ASPRV1: variants seen among roughly 807,000 people sequenced by gnomAD.
ASPRV1 encodes the protein retroviral-like aspartic protease 1.
Under a neutral mutation model 11.0 loss-of-function variants are expected in ASPRV1, and 7 were observed. That is an observed-to-expected ratio of 0.64 (90% CI 0.36 to 1.20). ASPRV1 has a LOEUF of 1.20. ASPRV1 is among the 50% of genes most tolerant of loss of function. ASPRV1 has a pLI of 0.02. For missense variants in ASPRV1, 299 were observed against 320.0 expected (o/e 0.93, Z 0.50); for synonymous variants, 136 against 138.4 (o/e 0.98, Z 0.12).
the ASPRV1 span, among the ~76,000 whole-genome samples, chr2:70,000,309 C>T: frequency 7.1e-6 from 1 of 139,928 alleles, no homozygotes; most frequent in Admixed American, 7.2e-5. Context: ...ATAGTGAAAC[C>T]CTCATCTCCA....
At chr2:69,980,389 C>T in the ASPRV1 span, among the ~76,000 whole-genome samples, 4 of 152,308 alleles carry the variant, frequency 2.6e-5, no homozygotes, top group South Asian at 2.1e-4. Flanking sequence ...TTTAAGTTGG[C>T]AAAGTCTTTT....
At chr2:70,062,595 T>C in the ASPRV1 span, among the ~76,000 whole-genome samples, 1 of 152,160 alleles carries the variant, frequency 6.6e-6, no homozygotes, top group African/African-American at 2.4e-5. Flanking sequence ...TAGAGTACTA[T>C]GTAAAGCCAG....
In ASPRV1 at chr2:69,960,996, G is replaced by A. The variant is rs143824935; in HGVS notation, c.441C>T (p.Gly147=). 111 of 1,613,886 alleles carry A rather than the reference G, an allele frequency of 6.9e-5. No homozygotes were observed. The highest frequency in any genetic ancestry group is 9.9e-5 in the South Asian group (9 of 91,068). The part of the protein sequence containing the change: ...HPNLWEEVTD[G]DLDTLQPFEN... ...CAAAGGGCTGCAGGGTGTCCAGATC[G>A]CCATCAGTGACCTCCTCCCACAAGT... The change falls in exon 1 of 1, where the codon GGC becomes GGT. Residue 147 remains glycine (G), a synonymous_variant. Transcript: ENST00000320256.
chr2:70,001,642 T>C, the ASPRV1 span, among the ~76,000 whole-genome samples: 13 of 151,996 alleles, frequency 8.6e-5, no homozygotes, highest in Non-Finnish European at 1.5e-4. Flanking sequence ...TACCTGTAAC[T>C]CTGGCTACTC....
At chr2:70,059,261 T>C in the ASPRV1 span, among the ~76,000 whole-genome samples, 1 of 150,874 alleles carries the variant, frequency 6.6e-6, no homozygotes, top group Non-Finnish European at 1.5e-5. Context: ...GTTTTCTTTT[T>C]TTTTTTTTTT....
the ASPRV1 span, among the ~76,000 whole-genome samples, chr2:69,990,994 C>A: frequency 1.3e-5 from 2 of 152,194 alleles, no homozygotes; most frequent in African/African-American, 2.4e-5. Flanking sequence ...TCAGATGGGA[C>A]CCCAGCCAGC....
chr2:70,082,751 G>T, the ASPRV1 span, among the ~76,000 whole-genome samples: 34 of 152,040 alleles, frequency 2.2e-4, no homozygotes, highest in African/African-American at 7.5e-4. Context: ...AAAATCAGCC[G>T]GCATGGTGGG....
chr2:69,953,289 CAG>C, the ASPRV1 span, among the ~76,000 whole-genome samples: 7 of 152,184 alleles, frequency 4.6e-5, no homozygotes, highest in African/African-American at 1.7e-4. Context: ...TCTGGTTTGA[CAG>C]GGGATGGACA....
the ASPRV1 span, among the ~76,000 whole-genome samples, chr2:70,019,737 A>G: frequency 0.024 from 3,718 of 152,272 alleles, 344 homozygotes; most frequent in Admixed American, 0.17. Flanking sequence ...TAGAGAGTAA[A>G]ATGGTGGTTA....
chr2:69,987,063 G>A, the ASPRV1 span, among the ~76,000 whole-genome samples: 1 of 152,144 alleles, frequency 6.6e-6, no homozygotes, highest in Non-Finnish European at 1.5e-5. Context: ...TTAGGAAGGA[G>A]GAGTAGGAAT....
At chr2:69,993,087 C>T in the ASPRV1 span, among the ~76,000 whole-genome samples, 1 of 152,208 alleles carries the variant, frequency 6.6e-6, no homozygotes, top group African/African-American at 2.4e-5. Context: ...ATCTGGGGAC[C>T]ACGTGGCCAG....
At chr2:70,028,749 T>C in the ASPRV1 span, 1 of 152,378 alleles carries the variant, frequency 6.6e-6, no homozygotes, top group East Asian at 1.9e-4. Context: ...GCATGTATAC[T>C]TTCTTGCCCT....
chr2:69,958,569 C>A (rs1677990573), downstream of ASPRV1, among the ~76,000 whole-genome samples: 1 of 151,974 alleles, frequency 6.6e-6, no homozygotes, highest in African/African-American at 2.4e-5. Flanking sequence ...CAGCTCCCCA[C>A]CCACCCACTT....
the ASPRV1 span, among the ~76,000 whole-genome samples, chr2:70,029,277 C>T: frequency 2.6e-5 from 4 of 152,072 alleles, no homozygotes; most frequent in Non-Finnish European, 5.9e-5. Context: ...ATATAAGTGA[C>T]GCCCTGACTA....
chr2:70,014,043 A>G, the ASPRV1 span, among the ~76,000 whole-genome samples: 112 of 152,348 alleles, frequency 7.4e-4, no homozygotes, highest in Non-Finnish European at 8.5e-4. Flanking sequence ...ACCACTAAAT[A>G]AAAGTTATTT....
the ASPRV1 span, among the ~76,000 whole-genome samples, chr2:69,968,890 G>A: frequency 1.1e-4 from 16 of 152,276 alleles, no homozygotes; most frequent in Middle Eastern, 3.4e-3. Context: ...CAGGGCAGCC[G>A]CTCCAGCCTT....
chr2:69,980,967 G>A, the ASPRV1 span, among the ~76,000 whole-genome samples: 1 of 151,966 alleles, frequency 6.6e-6, no homozygotes, highest in African/African-American at 2.4e-5. Flanking sequence ...GTAGAGATGG[G>A]GTTTCTCCAT....
the ASPRV1 span, among the ~76,000 whole-genome samples, chr2:70,060,652 A>T: frequency 6.6e-6 from 1 of 151,386 alleles, no homozygotes; most frequent in African/African-American, 2.4e-5. Context: ...GTCTCTACTA[A>T]AAAAAAATAC....
chr2:70,012,295 C>G, the ASPRV1 span: 1 of 152,078 alleles, frequency 6.6e-6, no homozygotes, highest in African/African-American at 2.4e-5. Flanking sequence ...GCTGGGACTA[C>G]AGGCACCCGC....
Sources: allele counts gnomAD v4.1 joint callset (sites outside exome capture counted in the v4.1 genomes callset), GRCh38; gene constraint gnomAD v4.1.1; transcripts MANE v1.5; gene names NCBI Gene and HGNC (gene_info 2026-07-23, HGNC 2026-07-21).